PKHD1: variants seen among roughly 807,000 people sequenced by gnomAD.
The protein encoded by PKHD1 is PKHD1 ciliary IPT domain containing fibrocystin/polyductin, also known as fibrocystin.
PKHD1 carries 291 observed loss-of-function variants against 412.0 expected under a neutral mutation model. The observed-to-expected ratio is 0.71, with a 90% confidence interval of 0.64 to 0.78. PKHD1 has a LOEUF of 0.78. PKHD1 is among the 30% of genes least tolerant of loss of function. The pLI is 0.00. For missense variants in PKHD1, 4,825 were observed against 4,950.7 expected, an observed-to-expected ratio of 0.97 and a Z score of 0.76; for synonymous variants, 1,777 against 1,821.5, an observed-to-expected ratio of 0.98 and a Z score of 0.62.
intron 50 of PKHD1, among the ~76,000 whole-genome samples, chr6:51,840,165 T>C (rs1769921268): frequency 6.6e-6 from 1 of 152,138 alleles, no homozygotes; most frequent in Non-Finnish European, 1.5e-5. Flanking sequence ...GAAGCTGACC[T>C]CTTTGGCTTA....
In PKHD1 at chr6:51,934,318, GC is replaced by G; in HGVS notation, c.5912del (p.Gly1971AlafsTer3). ...SILNLLHIKG[G>X]KLIFMAPGPI... ...GTCCTGGGGCCATGAAAATCAGCTTGCCCCCTAATGGACAAAGGGAAAATTG... is the reference window on the plus strand; with the variant it reads ...GTCCTGGGGCCATGAAAATCAGCTTGCCCCTAATGGACAAAGGGAAAATTG... On this transcript the variant is annotated frameshift_variant, in exon 37 of 67. Transcript: ENST00000371117. LOFTEE classifies it high-confidence loss of function. The G allele has an allele frequency of 6.2e-7, 1 of 1,609,384 alleles. No homozygotes were observed.
At chr6:51,978,223 C>T (rs1288780131) in intron 35 of PKHD1, among the ~76,000 whole-genome samples, 6 of 152,134 alleles carry the variant, frequency 3.9e-5, no homozygotes, top group African/African-American at 9.7e-5. Flanking sequence ...GGTTTCCAAG[C>T]CATCTAGGGG....
intron 34 of PKHD1, among the ~76,000 whole-genome samples, chr6:52,015,547 G>A (rs116251711): frequency 0.019 from 2,808 of 151,752 alleles, 35 homozygotes; most frequent in South Asian, 0.049. Context: ...ACTTTTGGCC[G>A]AGTGCAGTGG....
At chr6:51,715,003 A>C (rs1013559035) in intron 60 of PKHD1, among the ~76,000 whole-genome samples, 9 of 152,146 alleles carry the variant, frequency 5.9e-5, no homozygotes, top group African/African-American at 1.7e-4. Context: ...AAATATTGGA[A>C]ATAATTAATT....
At chr6:51,921,484 G>A (rs892019665) in intron 37 of PKHD1, among the ~76,000 whole-genome samples, 1 of 152,126 alleles carries the variant, frequency 6.6e-6, no homozygotes, top group Non-Finnish European at 1.5e-5. Flanking sequence ...GCCTTGCTAG[G>A]TTGGGGAAAT....
intron 5 of PKHD1, among the ~76,000 whole-genome samples, chr6:52,077,968 T>C (rs1253680861): frequency 6.6e-6 from 1 of 151,956 alleles, no homozygotes; most frequent in Non-Finnish European, 1.5e-5. Context: ...GTAGTGGTTA[T>C]TGACCTATTT....
At chr6:51,917,415 G>C (rs1364893574) in intron 37 of PKHD1, among the ~76,000 whole-genome samples, 1 of 152,092 alleles carries the variant, frequency 6.6e-6, no homozygotes, top group East Asian at 1.9e-4. Context: ...GCACTAGGAA[G>C]ACAAACACAA....
At chr6:51,739,785 C>CTTTTTT (rs371155781) in intron 60 of PKHD1, among the ~76,000 whole-genome samples, 1 of 148,836 alleles carries the variant, frequency 6.7e-6, no homozygotes, top group African/African-American at 2.5e-5. Context: ...CTCCCTTCCA[C>CTTTTTT]TTTTTTTTTT....
chr6:51,827,813 G>A (rs910326306), intron 52 of PKHD1, among the ~76,000 whole-genome samples: 1 of 152,130 alleles, frequency 6.6e-6, no homozygotes, highest in African/African-American at 2.4e-5. Context: ...CAGAGTGAAT[G>A]TTTGGTAAAT....
chr6:51,960,049 G>A (rs755834202), intron 35 of PKHD1, 23 bp from the exon 36 acceptor site: 1 of 1,612,672 alleles, frequency 6.2e-7, no homozygotes, highest in Non-Finnish European at 8.5e-7. Flanking sequence ...GAGCTGGGTT[G>A]GTGGGTTGGT....
intron 52 of PKHD1, among the ~76,000 whole-genome samples, chr6:51,823,087 T>C (rs1766718708): frequency 7.9e-6 from 1 of 126,520 alleles, no homozygotes; most frequent in Admixed American, 7.7e-5. Flanking sequence ...GAAGTTGCTA[T>C]AGTAGCAAAA....
intron 45 of PKHD1, among the ~76,000 whole-genome samples, chr6:51,885,353 G>A (rs1195238491): frequency 6.6e-6 from 1 of 152,168 alleles, no homozygotes; most frequent in African/African-American, 2.4e-5. Context: ...TCTTGAGCTA[G>A]AATGTTTGTG....
intron 52 of PKHD1, among the ~76,000 whole-genome samples, chr6:51,812,362 C>G (rs1270242103): frequency 2.0e-5 from 3 of 152,092 alleles, no homozygotes; most frequent in Non-Finnish European, 2.9e-5. Flanking sequence ...GCCTCCCAAC[C>G]AACTGAATGG....
intron 60 of PKHD1, among the ~76,000 whole-genome samples, chr6:51,702,857 A>AT (rs1333623769): frequency 1.3e-5 from 2 of 149,460 alleles, no homozygotes; most frequent in African/African-American, 2.4e-5. Flanking sequence ...AATGTACCAA[A>AT]TTTTTTCTGG....
At chr6:51,973,432 C>G (rs1300927892) in intron 35 of PKHD1, among the ~76,000 whole-genome samples, 1 of 152,136 alleles carries the variant, frequency 6.6e-6, no homozygotes, top group African/African-American at 2.4e-5. Context: ...TATACACATA[C>G]GTTTATACCA....
chr6:51,776,315 T>G (rs1328871267), intron 53 of PKHD1, among the ~76,000 whole-genome samples: 1 of 152,012 alleles, frequency 6.6e-6, no homozygotes, highest in African/African-American at 2.4e-5. Context: ...TTACCAGATC[T>G]CTTTCAATGT....
At chr6:52,050,401 T>A in intron 21 of PKHD1, 106 bp from the exon 22 acceptor site, 1 of 1,094,486 alleles carries the variant, frequency 9.1e-7, no homozygotes, top group Non-Finnish European at 1.4e-6. Flanking sequence ...AGTACACACC[T>A]AAAGCATAGA....
At chr6:51,713,863 C>A (rs951621932) in intron 60 of PKHD1, among the ~76,000 whole-genome samples, 5 of 152,164 alleles carry the variant, frequency 3.3e-5, no homozygotes, top group Admixed American at 6.5e-5. Flanking sequence ...GGCCAGGTAT[C>A]TTTGCTCAGA....
intron 45 of PKHD1, among the ~76,000 whole-genome samples, chr6:51,884,226 T>C (rs553628430): frequency 8.1e-4 from 124 of 152,342 alleles, no homozygotes; most frequent in Non-Finnish European, 1.4e-3. Context: ...TACAACTTAA[T>C]TCTTTTGTGT....
Sources: gnomAD v4.1 joint callset for allele counts (sites outside exome capture counted in the v4.1 genomes callset) on GRCh38, gnomAD v4.1.1 for gene constraint, MANE v1.5 for transcripts, NCBI Gene and HGNC (gene_info 2026-07-23, HGNC 2026-07-21) for gene names.